PLCXD2: variants seen among roughly 807,000 people sequenced by gnomAD.
PLCXD2 encodes PI-PLC X domain-containing protein 2.
In PLCXD2, 21 loss-of-function variants were observed where a neutral mutation model predicts 28.6. The observed-to-expected ratio is 0.73, with a 90% CI of 0.52 to 1.06. The LOEUF (loss-of-function observed/expected upper bound fraction) is 1.06, where lower values mean the gene tolerates loss of function less well. Ranked by LOEUF, PLCXD2 falls within the 50% of genes least tolerant of loss-of-function variation. The pLI is 0.00. For synonymous variants in PLCXD2, 140 were observed against 150.1 expected (o/e 0.93, Z 0.49); for missense variants, 369 against 376.7 (o/e 0.98, Z 0.17).
At chr3:111,687,113 A>G (rs1257525893) in intron 1 of PLCXD2, among the ~76,000 whole-genome samples, 1 of 152,248 alleles carries the variant, frequency 6.6e-6, no homozygotes, top group Non-Finnish European at 1.5e-5. Context: ...TATTCTGTAT[A>G]GATGCATTTA....
chr3:111,698,057 A>C (rs1267227000), intron 1 of PLCXD2, among the ~76,000 whole-genome samples: 1 of 152,192 alleles, frequency 6.6e-6, no homozygotes, highest in African/African-American at 2.4e-5. Flanking sequence ...CAGATCCTCA[A>C]ATATAAATAT....
chr3:111,675,340 A>G lies in PLCXD2; in HGVS notation c.95A>G (p.Asn32Ser), dbSNP rs777895062. Residue 32 changes from asparagine to serine, a missense_variant, in exon 1 of 5, where the codon AAT becomes AGT. Asn to Ser is a conservative substitution (Grantham distance 46, BLOSUM62 1). Coordinates refer to ENST00000477665, the MANE Select transcript of PLCXD2 (RefSeq NM_001185106.1). ...ACAAAGACATCATCGGAGGTCTGCA[A>G]TGCCGACTGGATGGCCTCGCTCCCC... is the stretch of plus-strand genomic sequence containing the variant. The G allele has an allele frequency of 3.1e-6, 5 of 1,614,166 alleles. No homozygotes were observed. The East Asian group carries it at 6.7e-5, about 22-fold the overall frequency.
chr3:111,704,769 T>C (rs1307269006), intron 1 of PLCXD2, among the ~76,000 whole-genome samples: 2 of 151,844 alleles, frequency 1.3e-5, no homozygotes, highest in African/African-American at 4.8e-5. Flanking sequence ...ATCATATTCA[T>C]CCTACAGTGC....
intron 3 of PLCXD2, chr3:111,725,909 T>G: frequency 2.5e-6 from 1 of 398,590 alleles, no homozygotes; most frequent in Non-Finnish European, 4.4e-6. Flanking sequence ...CTGCTGATTA[T>G]TGCTAACCAC....
At chr3:111,722,377 G>T (rs1465063776) in intron 3 of PLCXD2, 2 of 152,048 alleles carry the variant, frequency 1.3e-5, no homozygotes, top group African/African-American at 4.8e-5. Context: ...TCATGTCCTG[G>T]CTCCCCCAGT....
intron 2 of PLCXD2, among the ~76,000 whole-genome samples, chr3:111,712,830 T>A (rs1372373491): frequency 6.6e-6 from 1 of 152,138 alleles, no homozygotes; most frequent in Non-Finnish European, 1.5e-5. Context: ...AAAAATATAT[T>A]CCTTTAGAAA....
At chr3:111,703,115 G>C (rs1456597985) in intron 1 of PLCXD2, among the ~76,000 whole-genome samples, 1 of 152,130 alleles carries the variant, frequency 6.6e-6, no homozygotes, top group African/African-American at 2.4e-5. Context: ...AGTGAGAGTT[G>C]GCTTTGACTG....
In PLCXD2 at chr3:111,714,111, G is replaced by C; in HGVS notation, c.849G>C (p.Lys283Asn). The change falls in exon 3 of 5, where the codon AAG becomes AAC. Residue 283 changes from lysine to asparagine, a missense_variant. Coordinates refer to ENST00000477665, the MANE Select transcript of PLCXD2 (RefSeq NM_001185106.1). Reference sequence around the variant, plus strand: ...CCCGGGGCTTGGTTGGGGGCCTCAAGAACACGCTGGTTCATAGGTAAGAAT... The same window carrying C: ...CCCGGGGCTTGGTTGGGGGCCTCAACAACACGCTGGTTCATAGGTAAGAAT... 1 of 1,614,024 alleles carries C rather than the reference G, an allele frequency of 6.2e-7. No individual in the cohort carries two copies. The highest frequency in any genetic ancestry group is 1.3e-5 in the African/African-American group (1 of 75,040).
chr3:111,682,466 T>C (rs1234153910), intron 1 of PLCXD2, among the ~76,000 whole-genome samples: 1 of 152,208 alleles, frequency 6.6e-6, no homozygotes, highest in Non-Finnish European at 1.5e-5. Context: ...TATCATTTCT[T>C]CTTAGAGAAT....
chr3:111,719,105 G>A (rs1275922451), intron 3 of PLCXD2, among the ~76,000 whole-genome samples: 4 of 152,128 alleles, frequency 2.6e-5, no homozygotes, highest in Non-Finnish European at 5.9e-5. Context: ...ATCAATTTGA[G>A]ATGGTTCTTA....
intron 1 of PLCXD2, among the ~76,000 whole-genome samples, chr3:111,685,505 G>T (rs1940781667): frequency 1.3e-5 from 2 of 152,268 alleles, no homozygotes; most frequent in South Asian, 4.1e-4. Flanking sequence ...ATCTCAGGTT[G>T]CACCAATAAG....
intron 1 of PLCXD2, among the ~76,000 whole-genome samples, chr3:111,684,997 A>G (rs1252244037): frequency 2.0e-5 from 3 of 152,116 alleles, no homozygotes; most frequent in Non-Finnish European, 4.4e-5. Flanking sequence ...AATATGGATA[A>G]AGGAGAAGGA....
At chr3:111,716,273 T>C (rs1941266141) in intron 3 of PLCXD2, among the ~76,000 whole-genome samples, 1 of 152,232 alleles carries the variant, frequency 6.6e-6, no homozygotes, top group Admixed American at 6.5e-5. Context: ...TGAACAAACA[T>C]AGGACCTTCC....
rs542180798 is a variant in PLCXD2, at chr3:111,709,944, G to A, written c.624+1558G>A. The stretch of plus-strand genomic sequence containing the variant: ...ATACTAGGAAGAGACCAGGGCAGGG[G>A]GATTGGGCAGAAGTAAGGAACCCAG... On this transcript the variant is annotated intron_variant, in intron 2 of 4. Coordinates refer to ENST00000477665, the MANE Select transcript of PLCXD2 (RefSeq NM_001185106.1). Among the ~76,000 whole-genome samples the A allele has an allele frequency of 7.9e-4, 121 of 152,316 alleles. 4 individuals carry two copies. In the South Asian group the frequency reaches 0.025, roughly 31 times the overall value.
intron 1 of PLCXD2, among the ~76,000 whole-genome samples, chr3:111,697,504 CT>C (rs1940979650): frequency 6.6e-6 from 1 of 152,166 alleles, no homozygotes; most frequent in Non-Finnish European, 1.5e-5. Context: ...AGAAAAACTT[CT>C]GAAAATATTA....
intron 1 of PLCXD2, chr3:111,677,125 G>A (rs957518090): frequency 6.6e-6 from 1 of 152,108 alleles, no homozygotes; most frequent in Non-Finnish European, 1.5e-5. Flanking sequence ...CCTGCTTTGT[G>A]AAGTCCGGTC....
chr3:111,698,393 C>G (rs1940993414), intron 1 of PLCXD2, among the ~76,000 whole-genome samples: 1 of 152,230 alleles, frequency 6.6e-6, no homozygotes, highest in Non-Finnish European at 1.5e-5. Context: ...CCCCTATCCA[C>G]TGCGGGGACA....
chr3:111,708,521 T>C (rs1429641949), intron 2 of PLCXD2, 135 bp downstream of exon 2: 2 of 829,440 alleles, frequency 2.4e-6, no homozygotes, highest in Non-Finnish European at 3.7e-6. Flanking sequence ...ATTAAACATA[T>C]GCAAACTAGT....
At chr3:111,709,484 G>A (rs73852867) in intron 2 of PLCXD2, among the ~76,000 whole-genome samples, 43 of 128,536 alleles carry the variant, frequency 3.3e-4, no homozygotes, top group Non-Finnish European at 5.6e-4. Flanking sequence ...ACACACACAC[G>A]CACACACACA....
Sources: allele counts gnomAD v4.1 joint callset (sites outside exome capture counted in the v4.1 genomes callset), GRCh38; gene constraint gnomAD v4.1.1; transcripts MANE v1.5; gene names NCBI Gene and HGNC (gene_info 2026-07-23, HGNC 2026-07-21).